Variants in NME7 observed in about 807,000 individuals in gnomAD.
NME7 encodes NME/NM23 family member 7, also known as nucleoside diphosphate kinase 7.
A neutral mutation model predicts 49.1 loss-of-function variants in NME7; 41 were observed. The observed-to-expected ratio is 0.83, with a 90% CI of 0.65 to 1.08. NME7 has a LOEUF of 1.08. Among genes scored for constraint, NME7 ranks in the 50% least tolerant of loss-of-function variants. The pLI, the probability that NME7 is intolerant of heterozygous loss-of-function variation, is 0.00. For missense variants in NME7, 423 were observed against 463.4 expected (o/e 0.91, Z 0.80); for synonymous variants, 139 against 150.6 (o/e 0.92, Z 0.56).
chr1:169,267,410 A>G lies in NME7; in HGVS notation c.754+19893T>C, dbSNP rs1299055160. On this transcript the variant is annotated intron_variant, in intron 7 of 11. Transcript: ENST00000367811. The stretch of plus-strand genomic sequence containing the variant: ...CAGTGACATTCTTCACAAACTGGAA[A>G]AAAACTATTTTAATGTTCATATTGA... 2.2e-5 allele frequency among the ~76,000 whole-genome samples: 3 copies of G among 134,034 alleles called. 1 individual carries two copies. The highest frequency in any genetic ancestry group is 7.6e-5 in the African/African-American group (3 of 39,464). The allele number at this position is 134,034 out of a possible 152,430, so 87.9% of individuals were successfully genotyped here.
At chr1:169,228,124 G>A (rs1228473118) in intron 10 of NME7, among the ~76,000 whole-genome samples, 3 of 151,500 alleles carry the variant, frequency 2.0e-5, no homozygotes, top group Non-Finnish European at 4.4e-5. Context: ...GCCAAGGCAG[G>A]TCTCCAACTC....
At chr1:169,299,767 T>G (rs1257225230) in intron 5 of NME7, among the ~76,000 whole-genome samples, 1 of 152,152 alleles carries the variant, frequency 6.6e-6, no homozygotes, top group Non-Finnish European at 1.5e-5. Flanking sequence ...AAAAAAGTAT[T>G]CTTGTCTTCT....
At chr1:169,167,059 T>C (rs1659435921) in intron 11 of NME7, among the ~76,000 whole-genome samples, 1 of 152,128 alleles carries the variant, frequency 6.6e-6, no homozygotes, top group South Asian at 2.1e-4. Flanking sequence ...CCTACAATAA[T>C]AAAAACAGTA....
At chr1:169,152,898 T>C (rs1324738380) in intron 11 of NME7, among the ~76,000 whole-genome samples, 1 of 152,160 alleles carries the variant, frequency 6.6e-6, no homozygotes, top group Middle Eastern at 3.2e-3. Context: ...GTAGCCACTG[T>C]GTGTCATACA....
intron 10 of NME7, among the ~76,000 whole-genome samples, chr1:169,175,582 T>A (rs1482264969): frequency 6.6e-6 from 1 of 152,104 alleles, no homozygotes; most frequent in Admixed American, 6.6e-5. Flanking sequence ...ACAACAGCAA[T>A]TTTTCAGCTC....
chr1:169,159,697 G>A (rs1208488605), intron 11 of NME7, among the ~76,000 whole-genome samples: 1 of 152,116 alleles, frequency 6.6e-6, no homozygotes, highest in Non-Finnish European at 1.5e-5. Flanking sequence ...TCAATTCCTT[G>A]GAGTCCGCAG....
chr1:169,139,889 C>A (rs1658539322), intron 11 of NME7, among the ~76,000 whole-genome samples: 1 of 152,160 alleles, frequency 6.6e-6, no homozygotes, highest in Non-Finnish European at 1.5e-5. Context: ...AATATGTGAT[C>A]CCTGACTGGA....
At chr1:169,337,304 C>T (rs896893535) in intron 1 of NME7, among the ~76,000 whole-genome samples, 2 of 152,206 alleles carry the variant, frequency 1.3e-5, no homozygotes, top group South Asian at 2.1e-4. Context: ...GTACACCCTC[C>T]GCAGCTGCTG....
At chr1:169,318,425 C>A (rs1002904846) in intron 3 of NME7, among the ~76,000 whole-genome samples, 1 of 151,962 alleles carries the variant, frequency 6.6e-6, no homozygotes, top group African/African-American at 2.4e-5. Flanking sequence ...TAAGAGAGAT[C>A]TATGAAGGAG....
intron 10 of NME7, among the ~76,000 whole-genome samples, chr1:169,201,023 G>A (rs572339606): frequency 6.6e-6 from 1 of 152,186 alleles, no homozygotes; most frequent in South Asian, 2.1e-4. Flanking sequence ...TTGAACTCAG[G>A]AGTTTGAGAC....
At chr1:169,216,083 A>G (rs1259938936) in intron 10 of NME7, among the ~76,000 whole-genome samples, 3 of 152,268 alleles carry the variant, frequency 2.0e-5, no homozygotes, top group Admixed American at 6.5e-5. Context: ...GATATTGTGA[A>G]ATATACATTT....
chr1:169,292,834 T>C (rs1361207483), intron 6 of NME7, among the ~76,000 whole-genome samples: 2 of 152,086 alleles, frequency 1.3e-5, no homozygotes, highest in South Asian at 2.1e-4. Flanking sequence ...AGAGTGATGG[T>C]AGGAATACAG....
At chr1:169,292,214 C>T (rs1377690698) in intron 6 of NME7, among the ~76,000 whole-genome samples, 1 of 152,026 alleles carries the variant, frequency 6.6e-6, no homozygotes, top group East Asian at 1.9e-4. Context: ...AGTATAAAAA[C>T]TAAAACTATA....
At chr1:169,251,212 T>C (rs907466471) in intron 7 of NME7, among the ~76,000 whole-genome samples, 1 of 152,156 alleles carries the variant, frequency 6.6e-6, no homozygotes, top group African/African-American at 2.4e-5. Context: ...ATTGATCCTT[T>C]TATCATCATA....
At chr1:169,319,291 G>A (rs990992789) in intron 3 of NME7, among the ~76,000 whole-genome samples, 2 of 151,992 alleles carry the variant, frequency 1.3e-5, no homozygotes, top group Non-Finnish European at 2.9e-5. Context: ...GTTCATATGA[G>A]TCAAATTCTA....
At chr1:169,292,833 G>A (rs1650561295) in intron 6 of NME7, among the ~76,000 whole-genome samples, 1 of 152,116 alleles carries the variant, frequency 6.6e-6, no homozygotes, top group Admixed American at 6.6e-5. Context: ...AAGAGTGATG[G>A]TAGGAATACA....
At chr1:169,165,186 A>G (rs1378406851) in intron 11 of NME7, among the ~76,000 whole-genome samples, 1 of 152,220 alleles carries the variant, frequency 6.6e-6, no homozygotes, top group Non-Finnish European at 1.5e-5. Flanking sequence ...TATTCATGCT[A>G]AGATCTTTGA....
intron 7 of NME7, among the ~76,000 whole-genome samples, chr1:169,245,510 AC>A (rs768832357): frequency 1.3e-5 from 2 of 152,232 alleles, no homozygotes; most frequent in Non-Finnish European, 2.9e-5. Context: ...AAAAATGTCA[AC>A]AAGGAAATCT....
chr1:169,350,292 G>A (rs531276747), intron 1 of NME7, among the ~76,000 whole-genome samples: 7 of 25,536 alleles, frequency 2.7e-4, no homozygotes, highest in African/African-American at 8.8e-4. Context: ...GAAGGAAAGA[G>A]CCCTGCTCTC....
Sources: gnomAD v4.1 joint callset for allele counts (sites outside exome capture counted in the v4.1 genomes callset) on GRCh38, gnomAD v4.1.1 for gene constraint, MANE v1.5 for transcripts, NCBI Gene and HGNC (gene_info 2026-07-23, HGNC 2026-07-21) for gene names.